The following SGCZ variants were observed in gnomAD, a reference collection of about 807,000 sequenced individuals.
The protein encoded by SGCZ is zeta-sarcoglycan.
A neutral mutation model predicts 41.3 loss-of-function variants in SGCZ; 40 were observed. The ratio of observed to expected loss-of-function variants is 0.97; its 90% confidence interval spans 0.75 to 1.26. The LOEUF is 1.26. Among genes scored for constraint, SGCZ ranks in the 50% most tolerant of loss-of-function variants. The probability of loss-of-function intolerance (pLI) is 0.00; values close to 1 mark genes in which losing one functional copy is unlikely to be tolerated. For synonymous variants in SGCZ, 206 were observed against 137.5 expected (o/e 1.50, Z -3.49); for missense variants, 552 against 369.8 (o/e 1.49, Z -4.04).
At chr8:14,921,930 A>T (rs1178900680) in intron 1 of SGCZ, among the ~76,000 whole-genome samples, 2 of 152,168 alleles carry the variant, frequency 1.3e-5, no homozygotes, top group Admixed American at 1.3e-4. Context: ...AGCAACAGTA[A>T]TCTATGAAAA....
intron 1 of SGCZ, among the ~76,000 whole-genome samples, chr8:15,008,803 A>C (rs929386360): frequency 7.3e-5 from 1 of 13,660 alleles, no homozygotes; most frequent in Admixed American, 1.1e-3. Context: ...GAGGGAGGGG[A>C]GGAGGGAGGG....
In SGCZ at chr8:14,551,445, C is replaced by CATATATATTATATATATTATATATA. The variant is rs1803805909; in HGVS notation, c.234+3286_234+3287insTATATATAATATATATAATATATAT. 8.1e-5 allele frequency among the ~76,000 whole-genome samples: 2 copies of CATATATATTATATATATTATATATA among 24,712 alleles called. 1 individual carries two copies. The highest frequency in any genetic ancestry group is 1.7e-4 in the Non-Finnish European group (2 of 11,848). 16.2% of individuals were successfully genotyped at this position (24,712 alleles called of 152,430 possible). On this transcript the variant is annotated intron_variant, in intron 2 of 7. Transcript: ENST00000382080. ...TTCAAATTTTCCTCTTCAACTATTT[C>CATATATATTATATATATTATATATA]ATATATATATTATATATATTATATA...
At chr8:14,890,141 T>C (rs2130740487) in intron 1 of SGCZ, among the ~76,000 whole-genome samples, 2 of 151,518 alleles carry the variant, frequency 1.3e-5, no homozygotes, top group East Asian at 3.9e-4. Context: ...CGCTTCAACG[T>C]GGGAGGCGGA....
chr8:15,118,811 C>A (rs1338333053), intron 1 of SGCZ, among the ~76,000 whole-genome samples: 1 of 152,130 alleles, frequency 6.6e-6, no homozygotes. Flanking sequence ...GATAGCCCTG[C>A]AGATCAGCTC....
intron 1 of SGCZ, among the ~76,000 whole-genome samples, chr8:14,616,208 A>G (rs969608951): frequency 2.5e-4 from 38 of 151,666 alleles, no homozygotes; most frequent in African/African-American, 9.2e-4. Flanking sequence ...GCGTGAACCC[A>G]GGAGGCGGAA....
At chr8:14,470,510 ATTAAAG>A (rs1157643455) in intron 2 of SGCZ, among the ~76,000 whole-genome samples, 1 of 152,178 alleles carries the variant, frequency 6.6e-6, no homozygotes, top group Non-Finnish European at 1.5e-5. Context: ...CACAGCAAGA[ATTAAAG>A]TTATTTAATT....
chr8:14,577,738 T>G lies in SGCZ; in HGVS notation c.40-22812A>C, dbSNP rs1234068314. Among the ~76,000 whole-genome samples, 6 of 152,320 alleles carry G rather than the reference T, an allele frequency of 3.9e-5. No individual in the cohort carries two copies. The East Asian group carries it at 1.2e-3, about 29-fold the overall frequency. On this transcript the variant is annotated intron_variant, in intron 1 of 7. Transcript: ENST00000382080. ...AAATTCAACAATTGTCCTTCCAATCTGCTCATAATAAAGTAACATTCATCA... is the reference window on the plus strand; with the variant it reads ...AAATTCAACAATTGTCCTTCCAATCGGCTCATAATAAAGTAACATTCATCA...
intron 2 of SGCZ, among the ~76,000 whole-genome samples, chr8:14,361,983 A>C (rs1031946451): frequency 2.0e-5 from 3 of 152,096 alleles, no homozygotes; most frequent in African/African-American, 7.2e-5. Context: ...TCAACTCCAG[A>C]CCCTGCTTGC....
At chr8:14,465,855 A>T (rs77231695) in intron 2 of SGCZ, among the ~76,000 whole-genome samples, 1 of 151,874 alleles carries the variant, frequency 6.6e-6, no homozygotes. Flanking sequence ...AAAAACATAA[A>T]TGATTTTTAA....
chr8:14,923,237 C>A (rs969055429), intron 1 of SGCZ, among the ~76,000 whole-genome samples: 4 of 152,156 alleles, frequency 2.6e-5, no homozygotes, highest in African/African-American at 9.7e-5. Flanking sequence ...CCAGTGTAGG[C>A]AGCCTTTATT....
intron 1 of SGCZ, among the ~76,000 whole-genome samples, chr8:14,658,989 T>C (rs1382414765): frequency 6.6e-6 from 1 of 152,154 alleles, no homozygotes; most frequent in Non-Finnish European, 1.5e-5. Context: ...GAAGTTTTAC[T>C]AACTTAAAGT....
intron 2 of SGCZ, among the ~76,000 whole-genome samples, chr8:14,369,861 G>T (rs577288108): frequency 1.3e-5 from 2 of 151,770 alleles, no homozygotes; most frequent in South Asian, 2.1e-4. Flanking sequence ...ATATAATTAG[G>T]CAATCAACTA....
intron 1 of SGCZ, among the ~76,000 whole-genome samples, chr8:14,884,788 TTATC>T (rs1158888111): frequency 6.6e-6 from 1 of 152,112 alleles, no homozygotes; most frequent in Non-Finnish European, 1.5e-5. Context: ...ACATCACAAT[TTATC>T]TAATATTAAA....
At chr8:15,219,824 C>G (rs1169473857) in intron 1 of SGCZ, among the ~76,000 whole-genome samples, 1 of 152,152 alleles carries the variant, frequency 6.6e-6, no homozygotes, top group Admixed American at 6.5e-5. Flanking sequence ...AAGCAACTTT[C>G]ATTCAAAGGT....
At chr8:14,467,061 C>CTTAT (rs1189275557) in intron 2 of SGCZ, among the ~76,000 whole-genome samples, 1 of 151,438 alleles carries the variant, frequency 6.6e-6, no homozygotes, top group African/African-American at 2.4e-5. Context: ...TTTGTTTTTG[C>CTTAT]TTATTTATTT....
intron 1 of SGCZ, among the ~76,000 whole-genome samples, chr8:14,696,462 C>T (rs1047442577): frequency 6.6e-6 from 1 of 152,128 alleles, no homozygotes; most frequent in Non-Finnish European, 1.5e-5. Flanking sequence ...CCTGTTCTTA[C>T]ACATCCATGG....
chr8:15,133,378 C>A (rs544207177), intron 1 of SGCZ, among the ~76,000 whole-genome samples: 1 of 152,248 alleles, frequency 6.6e-6, no homozygotes, highest in Non-Finnish European at 1.5e-5. Flanking sequence ...GTGAAGCTAG[C>A]AAGCAAGCAA....
intron 1 of SGCZ, among the ~76,000 whole-genome samples, chr8:15,053,321 A>C (rs1226392440): frequency 6.6e-6 from 1 of 151,222 alleles, no homozygotes; most frequent in Non-Finnish European, 1.5e-5. Flanking sequence ...AGTCGTCACT[A>C]TATCTTACTA....
At chr8:14,836,671 T>C (rs4831656) in intron 1 of SGCZ, among the ~76,000 whole-genome samples, 63,138 of 151,954 alleles carry the variant, frequency 0.42, 13,659 homozygotes, top group African/African-American at 0.54. Flanking sequence ...GTAATTCTTT[T>C]AGTATTTTTA....
Sources: allele counts gnomAD v4.1 joint callset (sites outside exome capture counted in the v4.1 genomes callset), GRCh38; gene constraint gnomAD v4.1.1; transcripts MANE v1.5; gene names NCBI Gene and HGNC (gene_info 2026-07-23, HGNC 2026-07-21).